The following ANKRD17 variants were observed in gnomAD, a reference collection of about 807,000 sequenced individuals.
The protein encoded by ANKRD17 is ankyrin repeat domain 17.
In ANKRD17, 19 loss-of-function variants were observed where a neutral mutation model predicts 229.7. That is an observed-to-expected ratio of 0.08 (90% confidence interval 0.06 to 0.12). ANKRD17 has a LOEUF of 0.12. ANKRD17 is among the 10% of genes least tolerant of loss of function. ANKRD17 has a pLI of 1.00. For missense variants in ANKRD17, 2,176 were observed against 3,176.8 expected, an observed-to-expected ratio of 0.68 and a Z score of 7.57; for synonymous variants, 1,112 against 1,146.1, an observed-to-expected ratio of 0.97 and a Z score of 0.60.
At chr4:73,249,812 C>T (rs1162165462) in intron 1 of ANKRD17, among the ~76,000 whole-genome samples, 1 of 152,070 alleles carries the variant, frequency 6.6e-6, no homozygotes, top group Non-Finnish European at 1.5e-5. Context: ...GACGGCATGG[C>T]GCCACTGCAC....
chr4:73,105,379 C>T (rs764406291), intron 24 of ANKRD17, among the ~76,000 whole-genome samples: 1 of 150,790 alleles, frequency 6.6e-6, no homozygotes, highest in Non-Finnish European at 1.5e-5. Flanking sequence ...AGATATTATA[C>T]ATATATAAAG....
intron 1 of ANKRD17, among the ~76,000 whole-genome samples, chr4:73,215,371 T>G (rs923495323): frequency 6.6e-6 from 1 of 152,110 alleles, no homozygotes; most frequent in African/African-American, 2.4e-5. Flanking sequence ...GTGATTCTCC[T>G]GCCTCAGCCT....
intron 1 of ANKRD17, among the ~76,000 whole-genome samples, chr4:73,228,657 A>G: frequency 6.6e-6 from 1 of 152,170 alleles, no homozygotes; most frequent in East Asian, 1.9e-4. Context: ...AATATTTAAT[A>G]CTCCATAATT....
intron 1 of ANKRD17, among the ~76,000 whole-genome samples, chr4:73,185,649 G>T (rs1055878056): frequency 6.6e-6 from 1 of 151,896 alleles, no homozygotes; most frequent in Non-Finnish European, 1.5e-5. Context: ...CATAAAATGG[G>T]TTTACAGACA....
chr4:73,183,523 G>A (rs551886380), intron 1 of ANKRD17, among the ~76,000 whole-genome samples: 5 of 152,054 alleles, frequency 3.3e-5, no homozygotes, highest in African/African-American at 9.6e-5. Context: ...GCAGAATCTC[G>A]GTTCACTGCA....
intron 1 of ANKRD17, among the ~76,000 whole-genome samples, chr4:73,228,840 T>A (rs2149233738): frequency 6.6e-6 from 1 of 152,290 alleles, no homozygotes; most frequent in African/African-American, 2.4e-5. Context: ...ACACGTATGT[T>A]TACTGCAGCA....
intron 24 of ANKRD17, among the ~76,000 whole-genome samples, chr4:73,107,354 T>G (rs1724768092): frequency 6.6e-6 from 1 of 152,194 alleles, no homozygotes. Context: ...CAACAAAAAT[T>G]TTCTGGTAAC....
intron 2 of ANKRD17, among the ~76,000 whole-genome samples, chr4:73,176,604 CA>C (rs1009584124): frequency 2.3e-4 from 32 of 140,578 alleles, no homozygotes; most frequent in Admixed American, 2.1e-4. Context: ...TAATGAGTAT[CA>C]AAAAAAAAAA....
chr4:73,240,396 G>A (rs1405142350), intron 1 of ANKRD17, among the ~76,000 whole-genome samples: 1 of 151,514 alleles, frequency 6.6e-6, no homozygotes, highest in Non-Finnish European at 1.5e-5. Flanking sequence ...GGCCAAGGCA[G>A]GAGGATCACC....
chr4:73,219,541 C>T (rs1265270210), intron 1 of ANKRD17, among the ~76,000 whole-genome samples: 2 of 152,232 alleles, frequency 1.3e-5, no homozygotes, highest in South Asian at 4.1e-4. Flanking sequence ...ACAAAAACAG[C>T]TAAGATAAAT....
At chr4:73,252,379 C>T (rs1745104794) in intron 1 of ANKRD17, among the ~76,000 whole-genome samples, 1 of 152,228 alleles carries the variant, frequency 6.6e-6, no homozygotes, top group South Asian at 2.1e-4. Flanking sequence ...AATAAGCCTT[C>T]TTTGTTACCA....
intron 29 of ANKRD17, among the ~76,000 whole-genome samples, chr4:73,086,942 A>C (rs1188693527): frequency 1.1e-5 from 1 of 87,582 alleles, no homozygotes; most frequent in African/African-American, 4.3e-5. Flanking sequence ...ATATATATAT[A>C]TATATATATA....
intron 1 of ANKRD17, among the ~76,000 whole-genome samples, chr4:73,180,888 A>G (rs1323182989): frequency 6.6e-6 from 1 of 152,218 alleles, no homozygotes; most frequent in Admixed American, 6.5e-5. Flanking sequence ...TAGATTTATC[A>G]CACATGAATA....
chr4:73,118,554 G>A, intron 22 of ANKRD17, 134 bp downstream of exon 22: 1 of 961,624 alleles, frequency 1.0e-6, no homozygotes, highest in Non-Finnish European at 1.6e-6. Flanking sequence ...GTTGCCATAA[G>A]AGTAATTATT....
intron 27 of ANKRD17, among the ~76,000 whole-genome samples, chr4:73,095,508 A>T (rs918813451): frequency 1.3e-5 from 2 of 151,222 alleles, no homozygotes; most frequent in Non-Finnish European, 2.9e-5. Flanking sequence ...AGGCAGAGGC[A>T]GGAGAATCAC....
At chr4:73,142,573 A>G (rs2148823028) in intron 12 of ANKRD17, 67 bp downstream of exon 12, 9 of 1,610,214 alleles carry the variant, frequency 5.6e-6, no homozygotes, top group Non-Finnish European at 7.6e-6. Context: ...TGTACATGAT[A>G]TGTTGTAACA....
At chr4:73,205,718 A>T (rs983092136) in intron 1 of ANKRD17, among the ~76,000 whole-genome samples, 1 of 152,228 alleles carries the variant, frequency 6.6e-6, no homozygotes, top group Non-Finnish European at 1.5e-5. Context: ...AGCTCAAATA[A>T]CAAAAGTAAA....
At chr4:73,177,594 G>A (rs1734902835) in intron 1 of ANKRD17, 61 bp from the exon 2 acceptor site, 13 of 1,323,624 alleles carry the variant, frequency 9.8e-6, no homozygotes, top group South Asian at 1.3e-5. Flanking sequence ...GGAAAAGAGG[G>A]GAGAGAAATA....
intron 16 of ANKRD17, among the ~76,000 whole-genome samples, chr4:73,125,732 CAAAA>C (rs56986647): frequency 1.5e-5 from 1 of 68,116 alleles, no homozygotes; most frequent in African/African-American, 4.1e-5. Flanking sequence ...GACTCCGTCT[CAAAA>C]AAAAAAAAAA....
Sources: gnomAD v4.1 joint callset for allele counts (sites outside exome capture counted in the v4.1 genomes callset) on GRCh38, gnomAD v4.1.1 for gene constraint, MANE v1.5 for transcripts, NCBI Gene and HGNC (gene_info 2026-07-23, HGNC 2026-07-21) for gene names.